NTM: variants seen among roughly 807,000 people sequenced by gnomAD.
NTM encodes the protein IgLON family member 2.
In NTM, 13 loss-of-function variants were observed where a neutral mutation model predicts 42.1. The observed-to-expected ratio is 0.31, with a 90% CI of 0.20 to 0.49. NTM has a LOEUF of 0.49. Ranked by LOEUF, NTM falls within the 20% of genes least tolerant of loss-of-function variation. The pLI is 0.99. For missense variants in NTM, 373 were observed against 452.8 expected (o/e 0.82, Z 1.60); for synonymous variants, 187 against 179.2 (o/e 1.04, Z -0.35).
chr11:131,859,920 A>T (rs2046455170), intron 1 of NTM, among the ~76,000 whole-genome samples: 1 of 151,608 alleles, frequency 6.6e-6, no homozygotes, highest in Non-Finnish European at 1.5e-5. Flanking sequence ...CAGTAAGGGC[A>T]GCTTTTCCCC....
At chr11:132,007,652 T>C (rs1251768487) in intron 2 of NTM, among the ~76,000 whole-genome samples, 2 of 152,322 alleles carry the variant, frequency 1.3e-5, no homozygotes, top group African/African-American at 2.4e-5. Context: ...AAATCTATGG[T>C]GAATCCTTTT....
intron 1 of NTM, among the ~76,000 whole-genome samples, chr11:131,399,851 C>A (rs1944941143): frequency 6.6e-6 from 1 of 152,152 alleles, no homozygotes; most frequent in Non-Finnish European, 1.5e-5. Flanking sequence ...GGCTGGTTAT[C>A]CAGACAGCAA....
intron 2 of NTM, among the ~76,000 whole-genome samples, chr11:132,105,656 C>T (rs908909543): frequency 6.6e-5 from 10 of 152,134 alleles, no homozygotes; most frequent in African/African-American, 2.4e-4. Flanking sequence ...AGCCAGACCA[C>T]GTGACTAATT....
intron 1 of NTM, among the ~76,000 whole-genome samples, chr11:131,475,263 G>T (rs969789407): frequency 6.6e-6 from 1 of 152,172 alleles, no homozygotes; most frequent in African/African-American, 2.4e-5. Flanking sequence ...GCTTGAGGAA[G>T]CTGATAACTA....
At chr11:132,161,664 C>T (rs2074323559) in intron 3 of NTM, among the ~76,000 whole-genome samples, 1 of 151,994 alleles carries the variant, frequency 6.6e-6, no homozygotes, top group Non-Finnish European at 1.5e-5. Context: ...CCTGGCGCCC[C>T]CTTGCCAGTT....
intron 1 of NTM, among the ~76,000 whole-genome samples, chr11:131,529,299 G>A (rs1358288899): frequency 6.6e-6 from 1 of 152,212 alleles, no homozygotes; most frequent in Non-Finnish European, 1.5e-5. Flanking sequence ...GTAAAAGATA[G>A]ACTCTTAGAT....
intron 1 of NTM, among the ~76,000 whole-genome samples, chr11:131,432,439 A>T (rs1948727540): frequency 6.6e-6 from 1 of 152,170 alleles, no homozygotes; most frequent in Non-Finnish European, 1.5e-5. Flanking sequence ...GTTGGGGAAG[A>T]CACCTTTGAG....
intron 1 of NTM, among the ~76,000 whole-genome samples, chr11:131,506,428 C>T (rs2047502336): frequency 6.6e-6 from 1 of 152,192 alleles, no homozygotes; most frequent in Admixed American, 6.5e-5. Flanking sequence ...TTCTAATACC[C>T]TGGCAAATGG....
At chr11:132,103,385 G>T (rs11222921) in intron 2 of NTM, among the ~76,000 whole-genome samples, 46,309 of 152,152 alleles carry the variant, frequency 0.3, 7,313 homozygotes, top group African/African-American at 0.33. Context: ...GCATTTTGTT[G>T]CTGTGGAGCA....
chr11:132,253,008 A>G (rs1214830478), intron 4 of NTM, among the ~76,000 whole-genome samples: 4 of 152,224 alleles, frequency 2.6e-5, no homozygotes, highest in Admixed American at 2.0e-4. Context: ...ACCGTCTTGC[A>G]GGATACTTAG....
intron 1 of NTM, among the ~76,000 whole-genome samples, chr11:131,643,559 T>A (rs1472672403): frequency 6.6e-6 from 1 of 152,204 alleles, no homozygotes; most frequent in Non-Finnish European, 1.5e-5. Context: ...CTCTCTCGTG[T>A]CGCACAGAAG....
At chr11:131,789,643 A>AAGAAGAAGAAGT (rs2090508900) in intron 1 of NTM, among the ~76,000 whole-genome samples, 1 of 124,456 alleles carries the variant, frequency 8.0e-6, no homozygotes, top group African/African-American at 3.1e-5. Context: ...AGAAAAGAAG[A>AAGAAGAAGAAGT]AGAAGAAGAA....
intron 2 of NTM, among the ~76,000 whole-genome samples, chr11:132,110,362 T>G (rs1160703797): frequency 6.6e-6 from 1 of 152,232 alleles, no homozygotes; most frequent in Non-Finnish European, 1.5e-5. Flanking sequence ...TCTTCAAAGT[T>G]TCTGCATGTC....
At chr11:131,695,534 C>T (rs1370362134) in intron 1 of NTM, among the ~76,000 whole-genome samples, 1 of 152,114 alleles carries the variant, frequency 6.6e-6, no homozygotes, top group Non-Finnish European at 1.5e-5. Flanking sequence ...GGGTTTTGAT[C>T]CAATAGCTCA....
intron 7 of NTM, among the ~76,000 whole-genome samples, chr11:132,326,570 C>A (rs1393664269): frequency 6.6e-6 from 1 of 152,216 alleles, no homozygotes; most frequent in Non-Finnish European, 1.5e-5. Context: ...GCTTTCTGTG[C>A]CAACTTGCTA....
chr11:131,636,768 A>G lies in NTM; in HGVS notation c.82+265880A>G, dbSNP rs572697714. Among the ~76,000 whole-genome samples the G allele has an allele frequency of 7.9e-5, 12 of 152,308 alleles. No individual in the cohort carries two copies. The South Asian group carries it at 2.5e-3, about 32-fold the overall frequency. On this transcript the variant is annotated intron_variant, in intron 1 of 8. Transcript: ENST00000683400. ...AGTGACTGTATGTCTGTGAGGCCAC[A>G]TTCCCACGTAAAATAGAGATTATAA...
chr11:131,379,328 G>T (rs545324780), intron 1 of NTM, among the ~76,000 whole-genome samples: 2 of 152,336 alleles, frequency 1.3e-5, no homozygotes, highest in African/African-American at 2.4e-5. Context: ...CAGGAAGACA[G>T]GAGGATGGGA....
intron 1 of NTM, among the ~76,000 whole-genome samples, chr11:131,550,806 A>T (rs1339518799): frequency 6.6e-6 from 1 of 152,164 alleles, no homozygotes; most frequent in East Asian, 1.9e-4. Flanking sequence ...ACTGCATTTT[A>T]GCCTGGGCAA....
intron 1 of NTM, among the ~76,000 whole-genome samples, chr11:131,461,704 CA>C (rs36045429): frequency 0.71 from 107,388 of 151,998 alleles, 39,432 homozygotes; most frequent in African/African-American, 0.9. Context: ...ATTTTTACCA[CA>C]AAAAAAGATA....
Sources: gnomAD v4.1 joint callset for allele counts (sites outside exome capture counted in the v4.1 genomes callset) on GRCh38, gnomAD v4.1.1 for gene constraint, MANE v1.5 for transcripts, NCBI Gene and HGNC (gene_info 2026-07-23, HGNC 2026-07-21) for gene names.